The following CDC42BPA variants were observed in gnomAD, a reference collection of about 807,000 sequenced individuals.
CDC42BPA encodes the protein serine/threonine-protein kinase MRCK alpha.
In CDC42BPA, 80 loss-of-function variants were observed where a neutral mutation model predicts 223.5. The ratio of observed to expected loss-of-function variants is 0.36; its 90% CI spans 0.30 to 0.43. The LOEUF (loss-of-function observed/expected upper bound fraction) is 0.43, where lower values mean the gene tolerates loss of function less well. Ranked by LOEUF, CDC42BPA falls within the 20% of genes least tolerant of loss-of-function variation. The pLI, the probability that CDC42BPA is intolerant of heterozygous loss-of-function variation, is 1.00. For synonymous variants in CDC42BPA, 694 were observed against 718.6 expected, an observed-to-expected ratio of 0.97 and a Z score of 0.55; for missense variants, 1,743 against 2,099.9, an observed-to-expected ratio of 0.83 and a Z score of 3.32.
chr1:227,200,460 A>AC (rs1558744651), intron 3 of CDC42BPA, among the ~76,000 whole-genome samples: 4 of 149,672 alleles, frequency 2.7e-5, no homozygotes, highest in South Asian at 2.1e-4. Context: ...AAAAAACGAA[A>AC]GAAAGAAAGA....
intron 1 of CDC42BPA, among the ~76,000 whole-genome samples, chr1:227,290,106 T>C: frequency 6.6e-6 from 1 of 152,136 alleles, no homozygotes; most frequent in East Asian, 1.9e-4. Context: ...TCAAATTAAG[T>C]AGTAAGCCTT....
chr1:227,115,381 A>C (rs748029430), intron 12 of CDC42BPA, among the ~76,000 whole-genome samples: 1 of 152,112 alleles, frequency 6.6e-6, no homozygotes, highest in Admixed American at 6.5e-5. Context: ...ATATTATCCT[A>C]AACTTTTGTG....
chr1:227,074,252 A>C lies in CDC42BPA; in HGVS notation c.2586+7T>G. The C allele has an allele frequency of 6.3e-7, 1 of 1,592,390 alleles. No homozygotes were observed. Among genetic ancestry groups the C allele is most frequent in the Non-Finnish European group, 8.6e-7 (1 of 1,162,126 alleles). ...ATAAGCCTCCATGCAAAATCATAGAAGCTTACTGTTGCTCGTGTACCCAAG... is the reference window on the plus strand; with the variant it reads ...ATAAGCCTCCATGCAAAATCATAGACGCTTACTGTTGCTCGTGTACCCAAG... On this transcript the variant is annotated splice_region_variant and intron_variant, in intron 18 of 36. Coordinates refer to ENST00000366766, the MANE Select transcript of CDC42BPA (RefSeq NM_001394014.1).
At chr1:227,248,465 C>G (rs922225628) in intron 2 of CDC42BPA, among the ~76,000 whole-genome samples, 1 of 151,666 alleles carries the variant, frequency 6.6e-6, no homozygotes, top group African/African-American at 2.4e-5. Flanking sequence ...TTCTCTATGC[C>G]AACAGTGAAC....
chr1:227,137,411 A>G (rs1420162400), intron 10 of CDC42BPA, among the ~76,000 whole-genome samples: 2 of 152,138 alleles, frequency 1.3e-5, no homozygotes, highest in Non-Finnish European at 2.9e-5. Flanking sequence ...CATTATTAGT[A>G]GAACTATATA....
intron 21 of CDC42BPA, among the ~76,000 whole-genome samples, chr1:227,065,685 C>T (rs1676899937): frequency 6.6e-6 from 1 of 152,068 alleles, no homozygotes; most frequent in Non-Finnish European, 1.5e-5. Context: ...AAAGTAACTA[C>T]ACTTAGAGGC....
intron 3 of CDC42BPA, among the ~76,000 whole-genome samples, chr1:227,211,485 TCA>T (rs1181742616): frequency 2.0e-5 from 3 of 152,054 alleles, no homozygotes; most frequent in African/African-American, 7.2e-5. Context: ...AATAGCAAAG[TCA>T]CAGACTCAAT....
At chr1:227,186,194 G>A (rs952902132) in intron 5 of CDC42BPA, among the ~76,000 whole-genome samples, 1 of 152,170 alleles carries the variant, frequency 6.6e-6, no homozygotes, top group African/African-American at 2.4e-5. Context: ...GTCATAGGGA[G>A]GCCGCACATT....
chr1:227,176,121 T>C lies in CDC42BPA; in HGVS notation c.600-15485A>G, dbSNP rs140764673. ...GCGTGTGATACCATACCGGGCTAAT[T>C]TTTGTATCTGTAGTAGAGACAGGGT... On this transcript the variant is annotated intron_variant, in intron 5 of 36. Coordinates refer to ENST00000366766, the MANE Select transcript of CDC42BPA (RefSeq NM_001394014.1). Among the ~76,000 whole-genome samples, 1,122 of 152,202 alleles carry C rather than the reference T, an allele frequency of 7.4e-3. 11 individuals are homozygous for C. The highest frequency in any genetic ancestry group is 0.011 in the Non-Finnish European group (761 of 67,998).
At position 226,989,918 on chromosome 1, in the gene CDC42BPA, T is replaced by TA. The variant is rs1350346750; in HGVS notation, c.*4349dup. 1 of 152,646 alleles carries TA rather than the reference T, an allele frequency of 6.6e-6. No individual in the cohort carries two copies. The highest frequency in any genetic ancestry group is 1.5e-5 in the Non-Finnish European group (1 of 68,048). 9.5% of individuals were successfully genotyped at this position (152,646 alleles called of 1,614,324 possible). On this transcript the variant is annotated 3_prime_UTR_variant, in exon 37 of 37. Transcript: ENST00000366766. ...GCAAAGTCTGGTTAATATTAAGTGA[T>TA]ATCAACATAAAGTATTGGTGAGGAG... is the stretch of plus-strand genomic sequence containing the variant.
intron 23 of CDC42BPA, among the ~76,000 whole-genome samples, chr1:227,045,245 G>A (rs1323092964): frequency 1.3e-5 from 2 of 152,184 alleles, no homozygotes; most frequent in African/African-American, 2.4e-5. Flanking sequence ...CCTGCAACTC[G>A]ATGGGACATT....
At chr1:227,284,963 AC>A (rs150307026) in intron 1 of CDC42BPA, among the ~76,000 whole-genome samples, 1,069 of 77,956 alleles carry the variant, frequency 0.014, 30 homozygotes, top group East Asian at 0.077. Flanking sequence ...ACCCCATCTC[AC>A]AAAAAAAAAA....
intron 1 of CDC42BPA, among the ~76,000 whole-genome samples, chr1:227,313,048 C>A (rs546603568): frequency 1.3e-5 from 2 of 152,186 alleles, no homozygotes; most frequent in East Asian, 1.9e-4. Flanking sequence ...AATGCGAGAA[C>A]AGACTAACAA....
chr1:227,211,021 C>A (rs1263212621), intron 3 of CDC42BPA, among the ~76,000 whole-genome samples: 1 of 152,170 alleles, frequency 6.6e-6, no homozygotes, highest in Non-Finnish European at 1.5e-5. Flanking sequence ...TATCTCCCTC[C>A]CTTCCCTTCT....
rs566047784 is a variant in CDC42BPA at position 227,206,765 on chromosome 1, G to C, written c.354+6371C>G. 2.6e-5 allele frequency among the ~76,000 whole-genome samples: 4 copies of C among 152,240 alleles called. No individual in the cohort carries two copies. The South Asian group carries it at 8.3e-4, about 32-fold the overall frequency. On this transcript the variant is annotated intron_variant, in intron 3 of 36. Transcript: ENST00000366766. The stretch of plus-strand genomic sequence containing the variant: ...AGATAAAAGTTTTCTCAAATAGTTT[G>C]AGGAGAGTACCTTTCAAATATGGAA...
At position 227,040,253 on chromosome 1, in the gene CDC42BPA, T is replaced by TA. The variant is rs796390383; in HGVS notation, c.3094-18dup. 15 of 1,456,730 alleles carry TA rather than the reference T, an allele frequency of 1.0e-5. No homozygotes were observed. The highest frequency in any genetic ancestry group is 5.1e-5 in the Admixed American group (3 of 59,354). 90.2% of individuals were successfully genotyped at this position (1,456,730 alleles called of 1,614,324 possible). ...AGTCTTGCGCTGCAAAACAAATTGA[T>TA]AAAAAAACACACAGATTGTTTAAAA... On this transcript the variant is annotated splice_polypyrimidine_tract_variant and intron_variant, in intron 23 of 36. Transcript: ENST00000366766.
intron 1 of CDC42BPA, among the ~76,000 whole-genome samples, chr1:227,308,522 A>AAC (rs1553445062): frequency 6.6e-6 from 1 of 151,602 alleles, no homozygotes; most frequent in East Asian, 1.9e-4. Context: ...AAAAAAAAAA[A>AAC]AAAAAACAGA....
intron 7 of CDC42BPA, 149 bp downstream of exon 7, chr1:227,147,210 T>A (rs1023230731): frequency 3.6e-6 from 2 of 552,932 alleles, no homozygotes; most frequent in Admixed American, 3.6e-5. Context: ...GAATAATTTA[T>A]GGATTTTGAC....
rs772921971 is a variant in CDC42BPA, at chr1:227,005,124, G to A, written c.4858-13C>T. Reference sequence around the variant, plus strand: ...GAGGCCGAGGGTTCTATAAACAAAAGCGAGAGAGACATCCTTTAGCCAGAA... The same window carrying A: ...GAGGCCGAGGGTTCTATAAACAAAAACGAGAGAGACATCCTTTAGCCAGAA... On this transcript the variant is annotated splice_polypyrimidine_tract_variant and intron_variant, in intron 34 of 36. Transcript: ENST00000366766. 2 of 1,556,962 alleles carry A rather than the reference G, an allele frequency of 1.3e-6. No individual in the cohort carries two copies. The highest frequency in any genetic ancestry group is 8.9e-7 in the Non-Finnish European group (1 of 1,128,322).
Sources: allele counts gnomAD v4.1 joint callset (sites outside exome capture counted in the v4.1 genomes callset), GRCh38; gene constraint gnomAD v4.1.1; transcripts MANE v1.5; gene names NCBI Gene and HGNC (gene_info 2026-07-23, HGNC 2026-07-21).